Variants in MAP4K1 observed in about 807,000 individuals in gnomAD.
MAP4K1 encodes MAPK/ERK kinase kinase kinase 1.
A neutral mutation model predicts 122.8 loss-of-function variants in MAP4K1; 35 were observed. The observed-to-expected ratio is 0.29, with a 90% CI of 0.22 to 0.38. The LOEUF (loss-of-function observed/expected upper bound fraction) is 0.38. Among genes scored for constraint, MAP4K1 ranks in the 10% least tolerant of loss-of-function variants. The probability of loss-of-function intolerance (pLI) is 1.00; values close to 1 mark genes in which losing one functional copy is unlikely to be tolerated. For synonymous variants in MAP4K1, 412 were observed against 421.3 expected (o/e 0.98, Z 0.27); for missense variants, 791 against 1,072.6 (o/e 0.74, Z 3.67).
In MAP4K1 at chr19:38,605,630, G is replaced by GGTGGGGGCCA; in HGVS notation, c.1300_1301insTGGCCCCCAC (p.Pro434LeufsTer37). The GGTGGGGGCCA allele has an allele frequency of 6.3e-7, 1 of 1,590,322 alleles. No individual in the cohort carries two copies. The highest frequency in any genetic ancestry group is 8.5e-7 in the Non-Finnish European group (1 of 1,170,102). On this transcript the variant is annotated frameshift_variant, in exon 18 of 31. Coordinates refer to ENST00000396857, the MANE Select transcript of MAP4K1 (RefSeq NM_001042600.3). LOFTEE classifies it high-confidence loss of function. ...GGGAGGCCCAGGACGGGGGCTGTTT[G>GGTGGGGGCCA]GTGGGGGCCCACTGGCACACCGGAC...
rs115830684 is a variant in MAP4K1, at chr19:38,597,973, C to T, written c.1670-379G>A. Reference sequence around the variant, plus strand: ...TCATCACAGATGTGGCTTTCACTAACTCATGAATCCCATTTGGCTTGGTGT... The same window carrying T: ...TCATCACAGATGTGGCTTTCACTAATTCATGAATCCCATTTGGCTTGGTGT... On this transcript the variant is annotated intron_variant, in intron 22 of 30. Transcript: ENST00000396857. The surrounding 1 kb of genome is among the most constrained non-coding windows in gnomAD (Gnocchi z 4.6). 6.8e-3 allele frequency among the ~76,000 whole-genome samples: 1,033 copies of T among 152,254 alleles called. 10 individuals carry two copies. The highest frequency in any genetic ancestry group is 0.024 in the African/African-American group (985 of 41,552).
At chr19:38,595,382 C>G in intron 29 of MAP4K1, 103 bp downstream of exon 29, 2 of 1,115,008 alleles carry the variant, frequency 1.8e-6, no homozygotes, top group Middle Eastern at 2.1e-4. Flanking sequence ...TGTTTCCCCT[C>G]CAGGACTTCA....
intron 25 of MAP4K1, 59 bp from the exon 26 acceptor site, chr19:38,596,545 G>T (rs1460530068): frequency 1.1e-5 from 15 of 1,387,456 alleles, no homozygotes; most frequent in Middle Eastern, 2.4e-4. Context: ...GCCTCAGGGG[G>T]CGTGGCTTGT....
rs984536474 is a variant in MAP4K1 at position 38,602,581 on chromosome 19, T to C, written c.1447-1056A>G. ...ACACATATACATATATACATATATATACACATGTACATATATACGCATATA... is the reference window on the plus strand; with the variant it reads ...ACACATATACATATATACATATATACACACATGTACATATATACGCATATA... On this transcript the variant is annotated intron_variant, in intron 19 of 30. Transcript: ENST00000396857. 3.4e-5 allele frequency among the ~76,000 whole-genome samples: 5 copies of C among 148,458 alleles called. No homozygotes were observed. In the East Asian group the frequency reaches 5.8e-4, roughly 17 times the overall value.
At chr19:38,614,197 A>G (rs1975580585) in intron 6 of MAP4K1, 48 bp downstream of exon 6, 2 of 1,609,472 alleles carry the variant, frequency 1.2e-6, no homozygotes, top group Non-Finnish European at 1.7e-6. Flanking sequence ...TGCCACTCCC[A>G]TCTCCTGGGC....
Position 38,613,903 on chromosome 19 carries a change from G to C in MAP4K1, c.510C>G (p.Leu170=). The C allele has an allele frequency of 6.2e-7, 1 of 1,612,746 alleles. No individual in the cohort carries two copies. Among genetic ancestry groups the C allele is most frequent in the Non-Finnish European group, 8.5e-7 (1 of 1,179,454 alleles). The part of the protein sequence containing the change: ...AQIGATLARR[L]SFIGTPYWMA... ...ACCAGTAGGGTGTCCCAATGAAAGAGAGGCGTCTGGCCAGTGTAGCCCCAA... is the reference window on the plus strand; with the variant it reads ...ACCAGTAGGGTGTCCCAATGAAAGACAGGCGTCTGGCCAGTGTAGCCCCAA... The change falls in exon 8 of 31, where the codon CTC becomes CTG. Residue 170 remains leucine (L), a synonymous_variant. Coordinates refer to ENST00000396857, the MANE Select transcript of MAP4K1 (RefSeq NM_001042600.3).
chr19:38,614,477 T>C, intron 4 of MAP4K1, 32 bp from the exon 5 acceptor site: 4 of 1,613,204 alleles, frequency 2.5e-6, no homozygotes, highest in Non-Finnish European at 3.4e-6. Flanking sequence ...GGCCAGGCAT[T>C]GGATGGGAGC....
At chr19:38,605,130 C>T (rs1975285345) in intron 19 of MAP4K1, among the ~76,000 whole-genome samples, 1 of 151,616 alleles carries the variant, frequency 6.6e-6, no homozygotes, top group Admixed American at 6.6e-5. Flanking sequence ...CTGCCTCAGC[C>T]TGCCTCCTCA....
At position 38,589,879 on chromosome 19, in the gene MAP4K1, A is replaced by G. The variant is rs564688679; in HGVS notation, c.2397-2062T>C. 4.6e-5 allele frequency among the ~76,000 whole-genome samples: 7 copies of G among 152,116 alleles called. No individual in the cohort carries two copies. In the East Asian group the frequency reaches 1.4e-3, roughly 29 times the overall value. On this transcript the variant is annotated intron_variant, in intron 30 of 30. Coordinates refer to ENST00000396857, the MANE Select transcript of MAP4K1 (RefSeq NM_001042600.3). Reference sequence around the variant, plus strand: ...ACCCTGTCTGTACAAAAAATACGAAAATAAGCCAGGTGTAGTGGTACGCGC... The same window carrying G: ...ACCCTGTCTGTACAAAAAATACGAAGATAAGCCAGGTGTAGTGGTACGCGC...
Position 38,609,596 on chromosome 19 carries a change from G to T in MAP4K1, c.1006C>A (p.Arg336=). The change falls in exon 13 of 31, where the codon CGG becomes AGG. Residue 336 remains arginine, a splice_region_variant and synonymous_variant. Coordinates refer to ENST00000396857, the MANE Select transcript of MAP4K1 (RefSeq NM_001042600.3). ...CCAAACATAAGGATTCTCTACTCAC[G>T]ACAGCAGTCTGCATCTGGGATCCCC... ...SLGIPDADCC[R]RHMEFRKLRG... is the part of the protein sequence containing the mutation. 1 of 1,613,270 alleles carries T rather than the reference G, an allele frequency of 6.2e-7. No homozygotes were observed. The highest frequency in any genetic ancestry group is 1.1e-5 in the South Asian group (1 of 90,820).
Position 38,587,733 on chromosome 19 carries a change from C to T in MAP4K1, c.*15G>A. 4.3e-6 allele frequency: 7 copies of T among 1,609,548 alleles called. No homozygotes were observed. Among genetic ancestry groups the T allele is most frequent in the Middle Eastern group, 1.7e-4 (1 of 5,968 alleles). On this transcript the variant is annotated 3_prime_UTR_variant, in exon 31 of 31. Transcript: ENST00000396857. ...AGGGGGTGCAAGGACTAGTTCCTGA[C>T]ACCCCCCTAGGGACTCATTCCTGGA... is the stretch of plus-strand genomic sequence containing the variant.
chr19:38,596,503 G>A lies in MAP4K1; in HGVS notation c.1942-17C>T. The A allele has an allele frequency of 6.6e-7, 1 of 1,526,176 alleles. No homozygotes were observed. The highest frequency in any genetic ancestry group is 8.8e-7 in the Non-Finnish European group (1 of 1,137,114). 94.5% of individuals were successfully genotyped at this position (1,526,176 alleles called of 1,614,324 possible). A position where few individuals can be genotyped will look rare whatever the true frequency, so the allele number is the denominator to read the frequency against. ...CAGCACCTGCTGCGGGCCGCACAGGGAGGGGCGGGCTAGGGGGTGGTTCAG... is the reference window on the plus strand; with the variant it reads ...CAGCACCTGCTGCGGGCCGCACAGGAAGGGGCGGGCTAGGGGGTGGTTCAG... On this transcript the variant is annotated splice_polypyrimidine_tract_variant and intron_variant, in intron 25 of 30. Coordinates refer to ENST00000396857, the MANE Select transcript of MAP4K1 (RefSeq NM_001042600.3).
chr19:38,608,946 A>G (rs1438373840), intron 13 of MAP4K1, among the ~76,000 whole-genome samples: 2 of 151,676 alleles, frequency 1.3e-5, no homozygotes, highest in Non-Finnish European at 2.9e-5. Context: ...ACACCACTGC[A>G]CTCCAGCCTG....
intron 19 of MAP4K1, among the ~76,000 whole-genome samples, chr19:38,603,264 A>G (rs1157168169): frequency 1.3e-5 from 2 of 148,986 alleles, no homozygotes; most frequent in African/African-American, 2.5e-5. Context: ...ATATACGCAT[A>G]TACATATATA....
At chr19:38,615,314 G>A (rs1975617768) in intron 4 of MAP4K1, among the ~76,000 whole-genome samples, 1 of 152,082 alleles carries the variant, frequency 6.6e-6, no homozygotes, top group Non-Finnish European at 1.5e-5. Context: ...CTTCTCCTCC[G>A]AGAGAAATGG....
intron 4 of MAP4K1, 76 bp from the exon 5 acceptor site, chr19:38,614,521 A>C: frequency 6.6e-7 from 1 of 1,511,302 alleles, no homozygotes; most frequent in Non-Finnish European, 9.2e-7. Context: ...CTGCCCCCCC[A>C]CACCAGCTAA....
chr19:38,590,438 A>ATATATATATATATATATAG (rs1421697310), intron 30 of MAP4K1, among the ~76,000 whole-genome samples: 1 of 90,700 alleles, frequency 1.1e-5, no homozygotes, highest in Non-Finnish European at 2.3e-5. Context: ...TATATATATA[A>ATATATATATATATATATAG]TCACGGGCGT....
chr19:38,612,280 CG>C (rs1975520938), intron 9 of MAP4K1, among the ~76,000 whole-genome samples: 1 of 151,296 alleles, frequency 6.6e-6, no homozygotes, highest in East Asian at 1.9e-4. Flanking sequence ...ATTAGCCGGG[CG>C]TGGTGGTGCA....
intron 19 of MAP4K1, among the ~76,000 whole-genome samples, chr19:38,603,345 T>C (rs1305867196): frequency 6.6e-6 from 1 of 150,582 alleles, no homozygotes; most frequent in African/African-American, 2.4e-5. Flanking sequence ...TATACATATA[T>C]ACACATATAC....
Sources: gnomAD v4.1 joint callset for allele counts (sites outside exome capture counted in the v4.1 genomes callset) on GRCh38, gnomAD v4.1.1 for gene constraint, Gnocchi (gnomAD v3.1) non-coding constraint, MANE v1.5 for transcripts, NCBI Gene and HGNC (gene_info 2026-07-23, HGNC 2026-07-21) for gene names.